SPAG1: variants seen among roughly 807,000 people sequenced by gnomAD.
SPAG1 encodes the protein sperm-associated antigen 1.
Under a neutral mutation model 100.5 loss-of-function variants are expected in SPAG1, and 69 were observed. The ratio of observed to expected loss-of-function variants is 0.69; its 90% CI spans 0.57 to 0.84. SPAG1 has a LOEUF of 0.84. Among genes scored for constraint, SPAG1 ranks in the 40% least tolerant of loss-of-function variants. SPAG1 has a pLI of 0.00. For missense variants in SPAG1, 955 were observed against 1,133.1 expected (o/e 0.84, Z 2.26); for synonymous variants, 336 against 411.6 (o/e 0.82, Z 2.22).
At chr8:100,164,748 CTATT>C (rs1815474177) in intron 2 of SPAG1, among the ~76,000 whole-genome samples, 3 of 152,120 alleles carry the variant, frequency 2.0e-5, no homozygotes, top group Admixed American at 1.3e-4. Flanking sequence ...ATATAGTTAA[CTATT>C]CATTGATATG....
rs370385059 is a variant in SPAG1, at chr8:100,213,924, C to T, written c.1535+6C>T. On this transcript the variant is annotated splice_donor_region_variant and intron_variant, in intron 12 of 18. Coordinates refer to ENST00000388798, the MANE Select transcript of SPAG1 (RefSeq NM_003114.5). ...TGCATTCAAGATTGTAACAGGTAAA[C>T]TGCACGTTTTCAGGTTTGTCAAGAG... The T allele has an allele frequency of 1.3e-6, 2 of 1,505,858 alleles. No individual in the cohort carries two copies. Among genetic ancestry groups the T allele is most frequent in the Non-Finnish European group, 1.8e-6 (2 of 1,088,132 alleles). The allele number at this position is 1,505,858 out of a possible 1,614,324, so 93.3% of individuals were successfully genotyped here.
At chr8:100,179,285 A>G (rs1368809081) in intron 4 of SPAG1, among the ~76,000 whole-genome samples, 3 of 152,180 alleles carry the variant, frequency 2.0e-5, no homozygotes. Flanking sequence ...TGGAAGGCTG[A>G]GGCAGGAGAA....
In SPAG1 at chr8:100,213,267, C is replaced by T; in HGVS notation, c.1274C>T (p.Ala425Val). Reference sequence around the variant, plus strand: ...CGGAGCCCACGGCGGGCCTCTGCGGCGGCGGCGGCGGGCGGCGGCGCCACC... The same window carrying T: ...CGGAGCCCACGGCGGGCCTCTGCGGTGGCGGCGGCGGGCGGCGGCGCCACC... ...DKRSPRRASA[A>V]AAAGGGATGH... The change falls in exon 11 of 19, where the codon GCG becomes GTG. Residue 425 changes from alanine to valine, a missense_variant. Coordinates refer to ENST00000388798, the MANE Select transcript of SPAG1 (RefSeq NM_003114.5). The T allele has an allele frequency of 8.2e-7, 1 of 1,212,768 alleles. No homozygotes were observed. The highest frequency in any genetic ancestry group is 1.0e-6 in the Non-Finnish European group (1 of 978,502). The allele number at this position is 1,212,768 out of a possible 1,614,324, so 75.1% of individuals were successfully genotyped here. A position where few individuals can be genotyped will look rare whatever the true frequency, so the allele number is the denominator to read the frequency against.
intron 13 of SPAG1, among the ~76,000 whole-genome samples, chr8:100,224,849 C>T (rs935219834): frequency 6.6e-6 from 1 of 152,096 alleles, no homozygotes; most frequent in Non-Finnish European, 1.5e-5. Flanking sequence ...GACATTTCTT[C>T]TAGGCCTCCT....
chr8:100,165,364 C>T (rs964814532), intron 2 of SPAG1: 9 of 494,248 alleles, frequency 1.8e-5, no homozygotes, highest in Non-Finnish European at 3.3e-5. Flanking sequence ...ACTTGAAATT[C>T]TTCTGTTGCA....
At chr8:100,199,512 C>A (rs1563790704) in intron 10 of SPAG1, among the ~76,000 whole-genome samples, 1 of 152,194 alleles carries the variant, frequency 6.6e-6, no homozygotes, top group Non-Finnish European at 1.5e-5. Context: ...ATGGCATGAT[C>A]TTGGCTCACT....
chr8:100,165,217 G>A (rs1338193868), intron 2 of SPAG1: 11 of 509,518 alleles, frequency 2.2e-5, no homozygotes, highest in South Asian at 8.9e-5. Context: ...CCAAGCAGCC[G>A]ATATTAACAA....
chr8:100,217,256 C>T (rs1365677692), intron 12 of SPAG1, among the ~76,000 whole-genome samples: 1 of 151,852 alleles, frequency 6.6e-6, no homozygotes, highest in East Asian at 1.9e-4. Context: ...GTTCTTATCA[C>T]CAGATAAGTG....
At chr8:100,216,535 A>G (rs1420291426) in intron 12 of SPAG1, among the ~76,000 whole-genome samples, 1 of 152,136 alleles carries the variant, frequency 6.6e-6, no homozygotes. Flanking sequence ...AGGGCAGGAG[A>G]TGGCTCACCA....
At chr8:100,232,611 C>T (rs1818828026) in intron 15 of SPAG1, among the ~76,000 whole-genome samples, 1 of 152,154 alleles carries the variant, frequency 6.6e-6, no homozygotes, top group East Asian at 1.9e-4. Context: ...CCTGTCATTC[C>T]CTTGCTCTGG....
rs139993187 is a variant in SPAG1 at position 100,239,283 on chromosome 8, T to C, written c.2159T>C (p.Leu720Pro). 2 of 1,540,028 alleles carry C rather than the reference T, an allele frequency of 1.3e-6. No homozygotes were observed. Among genetic ancestry groups the C allele is most frequent in the Non-Finnish European group, 1.7e-6 (2 of 1,144,966 alleles). The stretch of plus-strand genomic sequence containing the variant: ...ATTGATCTCAATAAAGTTATCCTAC[T>C]AGATCCAAGTATTATTGAGGCAAAG... ...SLIDLNKVIL[L>P]DPSIIEAKME... Residue 720 changes from leucine (L) to proline (P), a missense_variant, in exon 17 of 19, where the codon CTA becomes CCA. Leu to Pro is a moderately conservative substitution (Grantham distance 98, BLOSUM62 -3). Transcript: ENST00000388798. This position sits in a 1 kb window ranked among gnomAD's most constrained non-coding sequence, Gnocchi z 5.0.
chr8:100,217,567 G>T (rs1044945903), intron 12 of SPAG1, among the ~76,000 whole-genome samples: 3 of 152,000 alleles, frequency 2.0e-5, no homozygotes, highest in African/African-American at 7.3e-5. Context: ...ATGAAAAGGG[G>T]TTATGATGCT....
rs188430751 is a variant in SPAG1 at position 100,183,985 on chromosome 8, T to C, written c.518T>C (p.Ile173Thr). ...GACGTGGAGAAGGAATGTTTAAAAA[T>C]TGATGAAGATTACAAAGAAAAGACG... ...KFDVEKECLKIDEDYKEKTVI... is the reference protein window; with the variant it reads ...KFDVEKECLKTDEDYKEKTVI... Residue 173 changes from isoleucine to threonine, a missense_variant, in exon 6 of 19, where the codon ATT becomes ACT. Ile to Thr is a moderately conservative substitution (Grantham distance 89). Transcript: ENST00000388798. 11 of 1,546,846 alleles carry C rather than the reference T, an allele frequency of 7.1e-6. No individual in the cohort carries two copies. In the East Asian group the frequency reaches 7.3e-5, roughly 10 times the overall value.
intron 10 of SPAG1, among the ~76,000 whole-genome samples, chr8:100,205,706 A>C (rs1431666195): frequency 6.6e-6 from 1 of 152,014 alleles, no homozygotes; most frequent in Non-Finnish European, 1.5e-5. Context: ...TGCCACCATC[A>C]AGGACTTAAA....
intron 10 of SPAG1, among the ~76,000 whole-genome samples, chr8:100,198,136 G>T (rs1008069758): frequency 1.3e-5 from 2 of 152,078 alleles, no homozygotes; most frequent in South Asian, 2.1e-4. Flanking sequence ...CAGTGCTGTT[G>T]GTGTTGCTAC....
At chr8:100,172,634 A>ATGTGTGTGTGTGTGTGTGTGTGTGTG (rs60155004) in intron 3 of SPAG1, among the ~76,000 whole-genome samples, 1 of 145,460 alleles carries the variant, frequency 6.9e-6, no homozygotes, top group Non-Finnish European at 1.5e-5. Flanking sequence ...AAAGAAATAT[A>ATGTGTGTGTGTGTGTGTGTGTGTGTG]TGTGTGTGTG....
chr8:100,213,159 T>C lies in SPAG1; in HGVS notation c.1166T>C (p.Leu389Pro). 6.8e-7 allele frequency: 1 copy of C among 1,478,666 alleles called. No individual in the cohort carries two copies. The allele number at this position is 1,478,666 out of a possible 1,614,324, so 91.6% of individuals were successfully genotyped here. A position where few individuals can be genotyped will look rare whatever the true frequency, so the allele number is the denominator to read the frequency against. The change falls in exon 11 of 19, where the codon CTG becomes CCG. Residue 389 changes from leucine to proline, a missense_variant. By Grantham distance (98) the Leu-to-Pro change is moderately conservative (BLOSUM62 -3). Transcript: ENST00000388798. Reference protein sequence around the residue: ...PCVMGNIQKKLTGKAEGGKRP... With the variant: ...PCVMGNIQKKPTGKAEGGKRP... ...GTCATGGGCAACATCCAGAAGAAGC[T>C]GACTGGCAAAGCCGAAGGCGGCAAG...
chr8:100,183,288 TA>T (rs1816445980), intron 4 of SPAG1, 86 bp from the exon 5 acceptor site: 1 of 665,012 alleles, frequency 1.5e-6, no homozygotes, highest in African/African-American at 1.9e-5. Flanking sequence ...TTGTATATCT[TA>T]ACCCAATACT....
At chr8:100,184,762 T>G in intron 7 of SPAG1, 29 bp downstream of exon 7, 1 of 1,303,466 alleles carries the variant, frequency 7.7e-7, no homozygotes, top group Non-Finnish European at 1.1e-6. Flanking sequence ...GGGTTTAAAC[T>G]TGCCTTTTAA....
Sources: gnomAD v4.1 joint callset for allele counts (sites outside exome capture counted in the v4.1 genomes callset) on GRCh38, gnomAD v4.1.1 for gene constraint, Gnocchi (gnomAD v3.1) non-coding constraint, MANE v1.5 for transcripts, NCBI Gene and HGNC (gene_info 2026-07-23, HGNC 2026-07-21) for gene names.